Variants in IFT46 observed in about 807,000 individuals in gnomAD.
IFT46 encodes intraflagellar transport protein 46 homolog.
A neutral mutation model predicts 39.6 loss-of-function variants in IFT46; 19 were observed. The observed-to-expected ratio is 0.48, with a 90% CI of 0.33 to 0.70. The LOEUF (loss-of-function observed/expected upper bound fraction) is 0.70, where lower values mean the gene tolerates loss of function less well. IFT46 is among the 30% of genes least tolerant of loss of function. IFT46 has a pLI of 0.01. For missense variants in IFT46, 334 were observed against 364.8 expected, an observed-to-expected ratio of 0.92 and a Z score of 0.69; for synonymous variants, 117 against 134.8, an observed-to-expected ratio of 0.87 and a Z score of 0.91.
At chr11:118,568,101 C>G (rs1466689622), upstream of IFT46, among the ~76,000 whole-genome samples, 1 of 152,186 alleles carries the variant, frequency 6.6e-6, no homozygotes, top group African/African-American at 2.4e-5. Context: ...TCCGAAGAAG[C>G]AGCATCAACT....
intron 7 of IFT46, among the ~76,000 whole-genome samples, chr11:118,554,115 ATC>A (rs1555068957): frequency 6.7e-6 from 1 of 148,320 alleles, no homozygotes; most frequent in Non-Finnish European, 1.5e-5. Context: ...CAGTGGCATG[ATC>A]TCGACTCACT....
intron 10 of IFT46, 66 bp downstream of exon 10, chr11:118,545,727 G>A: frequency 1.3e-6 from 2 of 1,498,412 alleles, no homozygotes; most frequent in Non-Finnish European, 1.9e-6. Flanking sequence ...GAGTAAACAA[G>A]CCTGTCCAAA....
chr11:118,552,791 TAA>T (rs879986858), intron 7 of IFT46, among the ~76,000 whole-genome samples: 2 of 134,444 alleles, frequency 1.5e-5, no homozygotes, highest in Non-Finnish European at 1.6e-5. Context: ...ATCCTGTCTT[TAA>T]AAAAAAAAAA....
chr11:118,561,087 G>C, intron 2 of IFT46: 1 of 1,525,556 alleles, frequency 6.6e-7, no homozygotes, highest in East Asian at 2.3e-5. Context: ...AATGTGGAAA[G>C]CATTGATGGT....
chr11:118,564,252 C>A (rs1257986758), intron 2 of IFT46, among the ~76,000 whole-genome samples: 1 of 146,878 alleles, frequency 6.8e-6, no homozygotes, highest in Admixed American at 6.8e-5. Context: ...TCCTTAACAG[C>A]AAACAATCTG....
At chr11:118,576,729 AT>A (rs1408798073), upstream of IFT46, among the ~76,000 whole-genome samples, 2 of 152,114 alleles carry the variant, frequency 1.3e-5, no homozygotes, top group East Asian at 3.9e-4. Flanking sequence ...GGAACCTGTA[AT>A]TTGTGGTGTC....
intron 1 of IFT46, 73 bp downstream of exon 1, chr11:118,565,717 T>C (rs957429176): frequency 6.6e-6 from 1 of 152,600 alleles, no homozygotes. Context: ...TAACCGGGAA[T>C]GGGGTAAAGG....
At chr11:118,569,170 T>C (rs1938287825), upstream of IFT46, among the ~76,000 whole-genome samples, 1 of 151,764 alleles carries the variant, frequency 6.6e-6, no homozygotes, top group South Asian at 2.1e-4. Flanking sequence ...TCCCAGCTAC[T>C]TGGGAGGCTA....
chr11:118,558,850 A>C (rs1937929990), intron 3 of IFT46, among the ~76,000 whole-genome samples: 1 of 151,000 alleles, frequency 6.6e-6, no homozygotes, highest in South Asian at 2.1e-4. Context: ...CCCAAGAGGC[A>C]GAGGTTGCAG....
Position 118,555,044 on chromosome 11 carries a change from CT to C in IFT46, c.299del (p.Lys100SerfsTer18). The C allele has an allele frequency of 6.2e-7, 1 of 1,614,008 alleles. No individual in the cohort carries two copies. The highest frequency in any genetic ancestry group is 8.5e-7 in the Non-Finnish European group (1 of 1,179,926). ...PQLIDLDHKLKPFIPDFIPAV... is the reference protein window; with the variant it reads ...PQLIDLDHKLXPFIPDFIPAV... ...CTGGGATAAAATCAGGAATGAAAGG[CT>C]TCAGTTTGTGGTCCAGGTCAATCAA... On this transcript the variant is annotated frameshift_variant, in exon 6 of 12. Transcript: ENST00000264021. LOFTEE classifies it high-confidence loss of function.
At chr11:118,552,481 T>C (rs1555068706) in intron 7 of IFT46, 146 bp from the exon 8 acceptor site, 3 of 946,414 alleles carry the variant, frequency 3.2e-6, no homozygotes, top group African/African-American at 3.3e-5. Flanking sequence ...ATGAAGGGGA[T>C]AGAAAACCCT....
chr11:118,546,358 T>C, intron 9 of IFT46: 1 of 556,512 alleles, frequency 1.8e-6, no homozygotes, highest in Non-Finnish European at 3.3e-6. Flanking sequence ...GGGTGTGGTG[T>C]TGAGTATCTG....
upstream of IFT46, among the ~76,000 whole-genome samples, chr11:118,567,975 G>C (rs1591374804): frequency 1.3e-5 from 2 of 152,308 alleles, no homozygotes; most frequent in East Asian, 3.9e-4. Flanking sequence ...AGGTCAGTCT[G>C]ATTCCTAAGT....
chr11:118,556,379 G>A (rs1354809746), intron 4 of IFT46, among the ~76,000 whole-genome samples: 7 of 152,078 alleles, frequency 4.6e-5, no homozygotes, highest in Non-Finnish European at 1.0e-4. Context: ...TGTAGTCCCA[G>A]CTACTCAGGA....
At chr11:118,550,038 G>A (rs971689796) in intron 9 of IFT46, among the ~76,000 whole-genome samples, 1 of 151,550 alleles carries the variant, frequency 6.6e-6, no homozygotes, top group Non-Finnish European at 1.5e-5. Context: ...GGGTTCAAGT[G>A]ATTCTCCTGC....
upstream of IFT46, among the ~76,000 whole-genome samples, chr11:118,568,467 G>T (rs138919459): frequency 3.3e-5 from 5 of 151,924 alleles, no homozygotes; most frequent in Admixed American, 6.6e-5. Context: ...CAGGAGAATC[G>T]CTTGAACCCG....
At chr11:118,570,097 T>G (rs1345469198), upstream of IFT46, among the ~76,000 whole-genome samples, 3 of 144,766 alleles carry the variant, frequency 2.1e-5, no homozygotes, top group African/African-American at 5.2e-5. Context: ...GTCGCCACGC[T>G]GGAGTGCAGT....
rs141129030 is a variant in IFT46, at chr11:118,564,339, G to C, written c.-36+626C>G. ...TCTGCCTCCCATGATTACCAGCATC[G>C]GGATGGCAGGGACATTGTGTCATTT... On this transcript the variant is annotated intron_variant, in intron 2 of 11. Transcript: ENST00000264021. Among the ~76,000 whole-genome samples, 424 of 152,116 alleles carry C rather than the reference G, an allele frequency of 2.8e-3. 2 individuals carry two copies. Among genetic ancestry groups the C allele is most frequent in the Middle Eastern group, 0.014 (4 of 292 alleles).
At chr11:118,566,262 TC>T (rs782555750), upstream of IFT46, among the ~76,000 whole-genome samples, 5 of 152,228 alleles carry the variant, frequency 3.3e-5, no homozygotes, top group Non-Finnish European at 5.9e-5. Flanking sequence ...GTAGACACAT[TC>T]CAGGGGAAAT....
Sources: allele counts gnomAD v4.1 joint callset (sites outside exome capture counted in the v4.1 genomes callset), GRCh38; gene constraint gnomAD v4.1.1; transcripts MANE v1.5; gene names NCBI Gene and HGNC (gene_info 2026-07-23, HGNC 2026-07-21).